Variants in LAMA4 observed in about 807,000 individuals in gnomAD.
LAMA4 encodes laminin subunit alpha 4.
LAMA4 carries 127 observed loss-of-function variants against 207.1 expected under a neutral mutation model. That is an observed-to-expected ratio of 0.61 (90% CI 0.53 to 0.71). The LOEUF (loss-of-function observed/expected upper bound fraction) is 0.71, where lower values mean the gene tolerates loss of function less well. Ranked by LOEUF, LAMA4 falls within the 30% of genes least tolerant of loss-of-function variation. The pLI, the probability that LAMA4 is intolerant of heterozygous loss-of-function variation, is 0.00. For missense variants in LAMA4, 2,093 were observed against 2,246.5 expected, an observed-to-expected ratio of 0.93 and a Z score of 1.38; for synonymous variants, 761 against 816.0, an observed-to-expected ratio of 0.93 and a Z score of 1.15.
chr6:112,109,402 A>G lies in LAMA4; in HGVS notation c.*35T>C. 2 of 1,612,854 alleles carry G rather than the reference A, an allele frequency of 1.2e-6. No homozygotes were observed. The highest frequency in any genetic ancestry group is 1.7e-6 in the Non-Finnish European group (2 of 1,179,732). ...CTTTGTGTTTCTTTCAGTGCTCTAA[A>G]GAACTTTGTATTTGGGCAGCTGTGC... On this transcript the variant is annotated 3_prime_UTR_variant, in exon 39 of 39. Transcript: ENST00000230538.
chr6:112,119,516 A>G (rs1400515274), intron 33 of LAMA4, among the ~76,000 whole-genome samples: 3 of 152,198 alleles, frequency 2.0e-5, no homozygotes, highest in Non-Finnish European at 4.4e-5. Flanking sequence ...TTGGAATGGC[A>G]GAAACTTTAT....
At chr6:112,248,372 G>C (rs1206369565) in intron 2 of LAMA4, among the ~76,000 whole-genome samples, 1 of 151,834 alleles carries the variant, frequency 6.6e-6, no homozygotes, top group Non-Finnish European at 1.5e-5. Context: ...GGTGGCACAC[G>C]CTTGTAGTCC....
In LAMA4 at chr6:112,117,818, T is replaced by C; in HGVS notation, c.4902A>G (p.Thr1634=). Residue 1634 remains threonine (T), a synonymous_variant, in exon 35 of 39, where the codon ACA becomes ACG. Coordinates refer to ENST00000230538, the MANE Select transcript of LAMA4 (RefSeq NM_001105206.3). The surrounding 1 kb of genome is among the most constrained non-coding windows in gnomAD (Gnocchi z 4.5). ...CTTCAAAGCAAGGGGTCACACTGAA[T>C]GTCTGAGAAGCAGAGGTGATGGAGG... ...NGASITSASQ[T]FSVTPCFEGP... 6.2e-7 allele frequency: 1 copy of C among 1,613,796 alleles called. No homozygotes were observed. The highest frequency in any genetic ancestry group is 8.5e-7 in the Non-Finnish European group (1 of 1,179,756).
At chr6:112,214,097 G>A (rs782815628) in intron 3 of LAMA4, 14 of 709,844 alleles carry the variant, frequency 2.0e-5, no homozygotes, top group Admixed American at 8.4e-5. Flanking sequence ...AAAGGAAACA[G>A]AAAAAAATGA....
intron 2 of LAMA4, chr6:112,218,176 A>G (rs1336162593): frequency 6.6e-6 from 1 of 152,202 alleles, no homozygotes; most frequent in Non-Finnish European, 1.5e-5. Context: ...AGTAGTGGGT[A>G]AGAGTAGTGA....
At position 112,135,958 on chromosome 6, in the gene LAMA4, T is replaced by A. The variant is rs184051383; in HGVS notation, c.3414+165A>T. 474 of 613,344 alleles carry A rather than the reference T, an allele frequency of 7.7e-4. 3 individuals are homozygous for A. The East Asian group carries it at 0.011, about 14-fold the overall frequency. 38.0% of individuals were successfully genotyped at this position (613,344 alleles called of 1,614,324 possible). On this transcript the variant is annotated intron_variant, in intron 25 of 38. Coordinates refer to ENST00000230538, the MANE Select transcript of LAMA4 (RefSeq NM_001105206.3). ...AATACATCCAATGTTTTAAAGTAAA[T>A]GTTTTCCTAGGGTTGAGAAGATGAG...
chr6:112,110,126 A>G (rs1037597807), intron 38 of LAMA4, among the ~76,000 whole-genome samples: 7 of 152,244 alleles, frequency 4.6e-5, no homozygotes, highest in African/African-American at 1.7e-4. Context: ...TTTAAGAACT[A>G]TAAATAGGGT....
chr6:112,214,441 C>G (rs1226896212), intron 3 of LAMA4, among the ~76,000 whole-genome samples: 2 of 151,950 alleles, frequency 1.3e-5, no homozygotes, highest in Non-Finnish European at 2.9e-5. Context: ...ATGTGTCGCT[C>G]TGGGGGATAG....
chr6:112,114,750 C>T lies in LAMA4; in HGVS notation c.5119G>A (p.Val1707Met). Reference sequence around the variant, plus strand: ...TCTCTGATGCCATTATTGACTTTCACTATGACCTGCAAAAGATAGGACACA... The same window carrying T: ...TCTCTGATGCCATTATTGACTTTCATTATGACCTGCAAAAGATAGGACACA... ...NVHMKNGQVI[V>M]KVNNGIRDFS... The change falls in exon 37 of 39, where the codon GTG becomes ATG. Residue 1707 changes from valine (V) to methionine (M), a missense_variant. By Grantham distance (21) the Val-to-Met change is conservative (BLOSUM62 1). Around this residue, in one of 3 missense-constraint regions of LAMA4, gnomAD observed 383 missense variants for 437.8 expected, o/e 0.87. Coordinates refer to ENST00000230538, the MANE Select transcript of LAMA4 (RefSeq NM_001105206.3). The T allele has an allele frequency of 6.2e-7, 1 of 1,603,294 alleles. No individual in the cohort carries two copies. The highest frequency in any genetic ancestry group is 8.5e-7 in the Non-Finnish European group (1 of 1,170,312).
At chr6:112,129,180 G>A in intron 30 of LAMA4, 105 bp from the exon 31 acceptor site, 3 of 521,078 alleles carry the variant, frequency 5.8e-6, no homozygotes, top group Admixed American at 6.2e-5. Context: ...ATGTGTGTGT[G>A]TGTGTGCATG....
At chr6:112,155,457 A>G (rs111426103) in intron 15 of LAMA4, 108 bp downstream of exon 15, 3 of 1,277,484 alleles carry the variant, frequency 2.3e-6, no homozygotes, top group African/African-American at 2.9e-5. Flanking sequence ...TGCCTTTTCC[A>G]CTCTTTCTGC....
chr6:112,250,727 A>G lies in LAMA4; in HGVS notation c.195+3229T>C, dbSNP rs997974082. Among the ~76,000 whole-genome samples, 4 of 152,132 alleles carry G rather than the reference A, an allele frequency of 2.6e-5. No individual in the cohort carries two copies. The East Asian group carries it at 5.8e-4, about 22-fold the overall frequency. ...TGTGTGGCTTCTTTCCAGCCACACA[A>G]TGTAACCTCCAACCTCATGTTCTTG... On this transcript the variant is annotated intron_variant, in intron 2 of 38. Transcript: ENST00000230538.
intron 6 of LAMA4, among the ~76,000 whole-genome samples, chr6:112,189,867 A>G (rs532494675): frequency 1.5e-4 from 23 of 152,314 alleles, no homozygotes; most frequent in African/African-American, 5.5e-4. Context: ...TTTTGGAAAA[A>G]GCAAAAACAA....
At chr6:112,143,361 T>C (rs1458087698) in intron 19 of LAMA4, among the ~76,000 whole-genome samples, 3 of 150,306 alleles carry the variant, frequency 2.0e-5, no homozygotes, top group African/African-American at 4.9e-5. Flanking sequence ...GTCAGCTCAC[T>C]GCAACCTCCA....
intron 29 of LAMA4, 125 bp from the exon 30 acceptor site, chr6:112,130,165 G>A (rs34752945): frequency 1.5e-5 from 12 of 793,108 alleles, no homozygotes; most frequent in East Asian, 1.0e-4. Context: ...AAAAGACAGC[G>A]AGTTGCCAAA....
chr6:112,140,833 C>T lies in LAMA4; in HGVS notation c.2903G>A (p.Gly968Glu). Reference protein sequence around the residue: ...EKFIKKGEFSGDDSLLDLDPE... With the variant: ...EKFIKKGEFSEDDSLLDLDPE... ...GTCCAGGTCCAGCAGAGAGTCATCT[C>T]CCGAAAATTCCCCCTTTTTAATGAA... The change falls in exon 22 of 39, where the codon GGA (glycine) becomes GAA (glutamate). Residue 968 changes from glycine (G) to glutamate (E), a missense_variant. Around this residue, in one of 3 missense-constraint regions of LAMA4, gnomAD observed 1,704 missense variants for 1,788.4 expected, o/e 0.95. Coordinates refer to ENST00000230538, the MANE Select transcript of LAMA4 (RefSeq NM_001105206.3). The T allele has an allele frequency of 6.2e-7, 1 of 1,614,028 alleles. No homozygotes were observed. Among genetic ancestry groups the T allele is most frequent in the Non-Finnish European group, 8.5e-7 (1 of 1,179,940 alleles).
chr6:112,178,030 C>T, intron 10 of LAMA4, 91 bp downstream of exon 10: 1 of 925,212 alleles, frequency 1.1e-6, no homozygotes, highest in Non-Finnish European at 1.8e-6. Flanking sequence ...TGGCACACAG[C>T]AAACACTTAA....
intron 9 of LAMA4, among the ~76,000 whole-genome samples, chr6:112,182,486 C>A (rs1254202677): frequency 6.6e-6 from 1 of 152,194 alleles, no homozygotes; most frequent in African/African-American, 2.4e-5. Context: ...AGAGGGCCAA[C>A]TGTACTTAAT....
chr6:112,180,437 T>C (rs1373540304), intron 9 of LAMA4, among the ~76,000 whole-genome samples: 1 of 152,220 alleles, frequency 6.6e-6, no homozygotes, highest in Non-Finnish European at 1.5e-5. Context: ...TGAATGTTTA[T>C]TTTTCCTGTA....
Sources: gnomAD v4.1 joint callset for allele counts (sites outside exome capture counted in the v4.1 genomes callset) on GRCh38, gnomAD v4.1.1 for gene constraint, gnomAD v4.1.1 regional missense constraint, Gnocchi (gnomAD v3.1) non-coding constraint, MANE v1.5 for transcripts, NCBI Gene and HGNC (gene_info 2026-07-23, HGNC 2026-07-21) for gene names.